KRI1: variants seen among roughly 807,000 people sequenced by gnomAD.
KRI1 encodes the protein protein KRI1 homolog.
KRI1 carries 83 observed loss-of-function variants against 97.0 expected under a neutral mutation model. That is an observed-to-expected ratio of 0.86 (90% CI 0.72 to 1.03). The LOEUF is 1.03. Among genes scored for constraint, KRI1 ranks in the 50% least tolerant of loss-of-function variants. The pLI is 0.00. For missense variants in KRI1, 916 were observed against 928.4 expected (o/e 0.99, Z 0.17); for synonymous variants, 371 against 363.5 (o/e 1.02, Z -0.23).
At chr19:10,557,723 C>T in intron 15 of KRI1, 41 bp from the exon 16 acceptor site, 1 of 1,614,066 alleles carries the variant, frequency 6.2e-7, no homozygotes, top group East Asian at 2.2e-5. Context: ...ATGCCAGGCC[C>T]CGCGGTGCCC....
Position 10,554,854 on chromosome 19 carries a change from A to C in KRI1, c.1781+233T>G, listed in dbSNP as rs56395932. On this transcript the variant is annotated intron_variant, in intron 18 of 18. Coordinates refer to ENST00000312962, the MANE Select transcript of KRI1 (RefSeq NM_023008.5). ...GAATTAACTCATTTCATCCTCTGCAACTTGATAAGGCAGAACCGTCTCTAT... is the reference window on the plus strand; with the variant it reads ...GAATTAACTCATTTCATCCTCTGCACCTTGATAAGGCAGAACCGTCTCTAT... 0.13 allele frequency among the ~76,000 whole-genome samples: 20,077 copies of C among 151,258 alleles called. 1,407 individuals carry two copies. Among genetic ancestry groups the C allele is most frequent in the Middle Eastern group, 0.18 (54 of 294 alleles).
chr19:10,563,308 G>A (rs1029984968), intron 3 of KRI1, among the ~76,000 whole-genome samples: 8 of 149,340 alleles, frequency 5.4e-5, no homozygotes, highest in Admixed American at 3.4e-4. Flanking sequence ...TGCCTGCATC[G>A]GCCTCCCAAA....
Position 10,558,070 on chromosome 19 carries a change from G to A in KRI1, c.1271-10C>T. The A allele has an allele frequency of 6.2e-7, 1 of 1,614,080 alleles. No homozygotes were observed. On this transcript the variant is annotated splice_polypyrimidine_tract_variant and intron_variant, in intron 13 of 18. Transcript: ENST00000312962. ...TCCCAGTTCCAGTCGTCTGGATGCA[G>A]GGAGAACAGACAGGTGGGGCCAGGG... is the stretch of plus-strand genomic sequence containing the variant.
intron 4 of KRI1, among the ~76,000 whole-genome samples, chr19:10,562,272 A>T (rs1236090099): frequency 6.7e-6 from 1 of 149,724 alleles, no homozygotes; most frequent in Non-Finnish European, 1.5e-5. Context: ...GTGGTCTCAA[A>T]CTCTTGACCT....
rs1355660438 is a variant in KRI1, at chr19:10,565,941, T to A, written c.59A>T (p.Tyr20Phe). 6.5e-7 allele frequency: 1 copy of A among 1,531,798 alleles called. No individual in the cohort carries two copies. The highest frequency in any genetic ancestry group is 8.8e-7 in the Non-Finnish European group (1 of 1,140,920). The allele number at this position is 1,531,798 out of a possible 1,614,324, so 94.9% of individuals were successfully genotyped here. A position where few individuals can be genotyped will look rare whatever the true frequency, so the allele number is the denominator to read the frequency against. ...TTCCTCGCGCTCCCGGTAGCGGTTG[T>A]ACCGCGCGGCAAACGCCGCGTTCAC... ...LRVNAAFAAR[Y>F]NRYREREELQ... The change falls in exon 1 of 19, where the codon TAC (tyrosine) becomes TTC (phenylalanine). Residue 20 changes from tyrosine (Y) to phenylalanine (F), a missense_variant. By Grantham distance (22) the Tyr-to-Phe change is conservative. Around this residue, in one of 3 missense-constraint regions of KRI1, gnomAD observed 173 missense variants for 153.1 expected, o/e 1.13. Coordinates refer to ENST00000312962, the MANE Select transcript of KRI1 (RefSeq NM_023008.5).
chr19:10,553,327 G>A lies in KRI1; in HGVS notation c.*624C>T. On this transcript the variant is annotated 3_prime_UTR_variant, in exon 19 of 19. Transcript: ENST00000312962. ...CCCCTCAGGGCCTGACTCACGTACT[G>A]TAGTTTGCACTGGACGCCCGGGCCC... 2.2e-6 allele frequency: 1 copy of A among 448,434 alleles called. No individual in the cohort carries two copies. The highest frequency in any genetic ancestry group is 4.0e-6 in the Non-Finnish European group (1 of 249,188). 27.8% of individuals were successfully genotyped at this position (448,434 alleles called of 1,614,324 possible).
chr19:10,560,591 G>C (rs1324456067), intron 8 of KRI1, 143 bp from the exon 9 acceptor site: 2 of 624,872 alleles, frequency 3.2e-6, no homozygotes, highest in African/African-American at 3.7e-5. Flanking sequence ...TTCGAGACAG[G>C]GTCTTACTCT....
rs774729864 is a variant in KRI1 at position 10,555,137 on chromosome 19, G to A, written c.1731C>T (p.Ala577=). 89 of 1,608,206 alleles carry A rather than the reference G, an allele frequency of 5.5e-5. No individual in the cohort carries two copies. Among genetic ancestry groups the A allele is most frequent in the Non-Finnish European group, 7.3e-5 (86 of 1,177,712 alleles). ...CCTGCCGCTTTTTCCATGAGTTCTG[G>A]GCCTTCTGGCTGTACGCCCGCTTGT... is the stretch of plus-strand genomic sequence containing the variant. ...LRDKRAYSQK[A]QNSWKKRQVF... The change falls in exon 18 of 19, where the codon GCC becomes GCT. Residue 577 remains alanine (A), a synonymous_variant. Transcript: ENST00000312962.
chr19:10,560,544 A>T, intron 8 of KRI1, 96 bp from the exon 9 acceptor site: 1 of 855,620 alleles, frequency 1.2e-6, no homozygotes, highest in East Asian at 2.5e-5. Context: ...CCTCTGGAGT[A>T]GGTGACATTA....
At chr19:10,565,678 G>A (rs1568425156) in intron 2 of KRI1, 39 bp downstream of exon 2, 2 of 1,538,328 alleles carry the variant, frequency 1.3e-6, no homozygotes, top group Middle Eastern at 2.1e-4. Context: ...GGGGGGCTTG[G>A]ACGCCTCCGC....
rs1445857136 is a variant in KRI1, at chr19:10,557,815, C to T, written c.1440G>A (p.Ser480=). 5 of 1,613,382 alleles carry T rather than the reference C, an allele frequency of 3.1e-6. No individual in the cohort carries two copies. Among genetic ancestry groups the T allele is most frequent in the Non-Finnish European group, 3.4e-6 (4 of 1,179,950 alleles). The change falls in exon 15 of 19, where the codon TCG becomes TCA. Residue 480 remains serine (S), a synonymous_variant. Coordinates refer to ENST00000312962, the MANE Select transcript of KRI1 (RefSeq NM_023008.5). ...CCTGCCCCACGGCCGCGGCGAAGGGCGACTTGCGCTTCTTCTTGCCCGTCA... is the reference window on the plus strand; with the variant it reads ...CCTGCCCCACGGCCGCGGCGAAGGGTGACTTGCGCTTCTTCTTGCCCGTCA... ...APLTGKKKRK[S]PFAAAVGQEK...
Position 10,559,280 on chromosome 19 carries a change from C to T in KRI1, c.1194+79G>A. ...TTAGCCTCCCAAAGTGCTGGGATTA[C>T]AGGCGTGAGCCACCGTGGCCAGTGA... On this transcript the variant is annotated intron_variant, in intron 12 of 18. Transcript: ENST00000312962. 9.3e-6 allele frequency: 14 copies of T among 1,503,446 alleles called. 1 individual carries two copies. In the South Asian group the frequency reaches 1.6e-4, roughly 17 times the overall value. The allele number at this position is 1,503,446 out of a possible 1,614,324, so 93.1% of individuals were successfully genotyped here.
intron 3 of KRI1, among the ~76,000 whole-genome samples, chr19:10,564,320 C>T (rs1449047581): frequency 1.3e-5 from 2 of 151,652 alleles, no homozygotes; most frequent in African/African-American, 2.4e-5. Context: ...ATTAGCTGGG[C>T]GTGGTGGCGC....
At position 10,554,192 on chromosome 19, in the gene KRI1, A is replaced by G. The variant is rs758438995; in HGVS notation, c.1871T>C (p.Met624Thr). Residue 624 changes from methionine (M) to threonine (T), a missense_variant, in exon 19 of 19, where the codon ATG (methionine) becomes ACG (threonine). Physicochemically the swap from Met to Thr is moderately conservative, Grantham distance 81. Transcript: ENST00000312962. ...CTGTGCTGGGGGACTCTCCGGCCCC[A>G]TCAAGCTGCCATCAAGGGCTGGCAG... is the stretch of plus-strand genomic sequence containing the variant. ...RQLPALDGSL[M>T]GPESPPAQEE... 7.4e-6 allele frequency: 12 copies of G among 1,613,870 alleles called. No individual in the cohort carries two copies. The East Asian group carries it at 2.7e-4, about 36-fold the overall frequency.
Position 10,561,031 on chromosome 19 carries a change from A to G in KRI1, c.635T>C (p.Ile212Thr). 6.2e-7 allele frequency: 1 copy of G among 1,614,148 alleles called. No homozygotes were observed. Among genetic ancestry groups the G allele is most frequent in the Non-Finnish European group, 8.5e-7 (1 of 1,180,018 alleles). ...YIEWLKGQKE[I>T]RNPDSLKELT... ...TTCCTTCAGGGAATCTGGGTTCCGA[A>G]TCTCTTTCTGTCCCTTCAGCCACTC... Residue 212 changes from isoleucine (I) to threonine (T), a missense_variant, in exon 8 of 19, where the codon ATT (isoleucine) becomes ACT (threonine). Ile to Thr is a moderately conservative substitution (Grantham distance 89, BLOSUM62 -1). Coordinates refer to ENST00000312962, the MANE Select transcript of KRI1 (RefSeq NM_023008.5).
chr19:10,557,772 G>A lies in KRI1; in HGVS notation c.1483C>T (p.Pro495Ser). 1 of 1,613,404 alleles carries A rather than the reference G, an allele frequency of 6.2e-7. No homozygotes were observed. Among genetic ancestry groups the A allele is most frequent in the Non-Finnish European group, 8.5e-7 (1 of 1,179,754 alleles). Residue 495 changes from proline to serine, a missense_variant, in exon 15 of 19, where the codon CCC becomes TCC. This residue lies in a region of KRI1 where 672 missense variants were observed against 667.2 expected (regional missense o/e 1.01). Coordinates refer to ENST00000312962, the MANE Select transcript of KRI1 (RefSeq NM_023008.5). The part of the protein sequence containing the change: ...AVGQEKPVFE[P>S]GDKTFEEYLD... ...GGCCTGCCCACCTGGGCCTCACCGG[G>A]TTCAAACACGGGCTTCTCCTGCCCC...
intron 18 of KRI1, among the ~76,000 whole-genome samples, chr19:10,554,522 C>A (rs931634462): frequency 1.3e-5 from 2 of 152,126 alleles, no homozygotes; most frequent in Non-Finnish European, 1.5e-5. Flanking sequence ...CTGCCCTAAG[C>A]TAGTCACATC....
At chr19:10,556,914 G>C (rs1379042368) in intron 16 of KRI1, among the ~76,000 whole-genome samples, 1 of 151,718 alleles carries the variant, frequency 6.6e-6, no homozygotes, top group Non-Finnish European at 1.5e-5. Flanking sequence ...GAGGTAGGAG[G>C]ATCAATTGAG....
chr19:10,564,953 C>G lies in KRI1; in HGVS notation c.250G>C (p.Asp84His), dbSNP rs764872061. Residue 84 changes from aspartate (D) to histidine (H), a missense_variant, in exon 3 of 19, where the codon GAT becomes CAT. Physicochemically the swap from Asp to His is moderately conservative, Grantham distance 81 (BLOSUM62 -1). Around this residue, in one of 3 missense-constraint regions of KRI1, gnomAD observed 173 missense variants for 153.1 expected, o/e 1.13. Transcript: ENST00000312962. Reference protein sequence around the residue: ...KKKDPRIYQKDATFYNRTASS... With the variant: ...KKKDPRIYQKHATFYNRTASS... The stretch of plus-strand genomic sequence containing the variant: ...CCTGTTCTGTTATAGAAGGTGGCAT[C>G]TTTCTGATAAATGCGGGGGTCCTTC... 13 of 1,613,100 alleles carry G rather than the reference C, an allele frequency of 8.1e-6. No individual in the cohort carries two copies. The highest frequency in any genetic ancestry group is 1.3e-5 in the African/African-American group (1 of 74,894).
Sources: gnomAD v4.1 joint callset for allele counts (sites outside exome capture counted in the v4.1 genomes callset) on GRCh38, gnomAD v4.1.1 for gene constraint, gnomAD v4.1.1 regional missense constraint, MANE v1.5 for transcripts, NCBI Gene and HGNC (gene_info 2026-07-23, HGNC 2026-07-21) for gene names.